BCAS4: variants seen among roughly 807,000 people sequenced by gnomAD.
The protein encoded by BCAS4 is breast carcinoma amplified sequence 4, also known as breast carcinoma-amplified sequence 4.
A neutral mutation model predicts 15.7 loss-of-function variants in BCAS4; 9 were observed. That is an observed-to-expected ratio of 0.57 (90% CI 0.34 to 1.00). The LOEUF (loss-of-function observed/expected upper bound fraction) is 1.00, where lower values mean the gene tolerates loss of function less well. BCAS4 is among the 50% of genes least tolerant of loss of function. The pLI is 0.02. For missense variants in BCAS4, 225 were observed against 239.1 expected (o/e 0.94, Z 0.39); for synonymous variants, 101 against 99.5 (o/e 1.02, Z -0.09).
At chr20:50,853,239 G>A (rs1978544769) in intron 4 of BCAS4, among the ~76,000 whole-genome samples, 1 of 150,156 alleles carries the variant, frequency 6.7e-6, no homozygotes, top group Non-Finnish European at 1.5e-5. Flanking sequence ...CCGCCTCCCG[G>A]GTTCAACCAA....
At chr20:50,839,669 A>AT (rs1411816493) in intron 3 of BCAS4, among the ~76,000 whole-genome samples, 4 of 151,912 alleles carry the variant, frequency 2.6e-5, no homozygotes, top group East Asian at 1.9e-4. Context: ...CACTCGGCTA[A>AT]TTTTTTTTGT....
At chr20:50,823,203 G>A (rs895361447) in intron 2 of BCAS4, among the ~76,000 whole-genome samples, 7 of 151,782 alleles carry the variant, frequency 4.6e-5, no homozygotes, top group African/African-American at 9.7e-5. Context: ...AGTTGGGTGC[G>A]GTGGCATACA....
At chr20:50,838,116 G>A (rs1217841112) in intron 3 of BCAS4, among the ~76,000 whole-genome samples, 1 of 152,228 alleles carries the variant, frequency 6.6e-6, no homozygotes, top group Non-Finnish European at 1.5e-5. Flanking sequence ...TTCACCCAAT[G>A]TCGTTTTGCT....
At position 50,816,897 on chromosome 20, in the gene BCAS4, C is replaced by T. The variant is rs559769833; in HGVS notation, c.91-1314C>T. ...TTGGCTCACTGCAGCCTCCGCCTCC[C>T]GGGTTCAAGCGATTCTCTTGCCTCA... On this transcript the variant is annotated intron_variant, in intron 1 of 4. Transcript: ENST00000371608. 7.5e-5 allele frequency among the ~76,000 whole-genome samples: 11 copies of T among 147,308 alleles called. No individual in the cohort carries two copies. The East Asian group carries it at 1.6e-3, about 21-fold the overall frequency.
At chr20:50,829,918 T>G (rs889840636) in intron 2 of BCAS4, among the ~76,000 whole-genome samples, 5 of 152,198 alleles carry the variant, frequency 3.3e-5, no homozygotes, top group South Asian at 4.1e-4. Flanking sequence ...TCCAATGCAA[T>G]GAAAACTGGA....
At chr20:50,817,622 C>T (rs1249104860) in intron 1 of BCAS4, among the ~76,000 whole-genome samples, 5 of 152,084 alleles carry the variant, frequency 3.3e-5, no homozygotes, top group African/African-American at 4.8e-5. Flanking sequence ...CCACCATGCC[C>T]GGCTAATTTT....
chr20:50,826,981 A>C (rs1199595315), intron 2 of BCAS4, among the ~76,000 whole-genome samples: 1 of 152,116 alleles, frequency 6.6e-6, no homozygotes, highest in Non-Finnish European at 1.5e-5. Flanking sequence ...ACAAAAAAAC[A>C]AAAAACAACC....
At chr20:50,869,430 C>G (rs555801407) in intron 4 of BCAS4, among the ~76,000 whole-genome samples, 134 of 152,310 alleles carry the variant, frequency 8.8e-4, no homozygotes, top group Middle Eastern at 3.4e-3. Flanking sequence ...GTCCACCCCC[C>G]CTTTTGGGGT....
intron 1 of BCAS4, among the ~76,000 whole-genome samples, chr20:50,806,821 C>T (rs2087995387): frequency 6.6e-6 from 1 of 151,186 alleles, no homozygotes; most frequent in South Asian, 2.1e-4. Context: ...TGTCCATCCC[C>T]TCAAGCATTT....
At chr20:50,855,376 A>G (rs1316163051) in intron 4 of BCAS4, among the ~76,000 whole-genome samples, 2 of 150,492 alleles carry the variant, frequency 1.3e-5, no homozygotes, top group Non-Finnish European at 3.0e-5. Flanking sequence ...CTGCATCCCT[A>G]TCTGTGCCAC....
In BCAS4 at chr20:50,876,651, T is replaced by C; in HGVS notation, c.*43T>C. The stretch of plus-strand genomic sequence containing the variant: ...TCAGGAACGCTGGAAAGTGACATTG[T>C]GTACACACTGCAGCTTGGGGGTTTT... On this transcript the variant is annotated 3_prime_UTR_variant, in exon 5 of 5. Coordinates refer to ENST00000371608, the MANE Select transcript of BCAS4 (RefSeq NM_198799.4). 6.3e-7 allele frequency: 1 copy of C among 1,591,628 alleles called. No individual in the cohort carries two copies. Among genetic ancestry groups the C allele is most frequent in the Non-Finnish European group, 8.5e-7 (1 of 1,170,438 alleles).
intron 4 of BCAS4, among the ~76,000 whole-genome samples, chr20:50,855,329 G>A (rs187678929): frequency 6.6e-5 from 10 of 152,152 alleles, no homozygotes; most frequent in East Asian, 3.9e-4. Context: ...TGTCTCTTGC[G>A]TTCATCTTGC....
intron 1 of BCAS4, among the ~76,000 whole-genome samples, chr20:50,807,498 C>T (rs2088006445): frequency 1.3e-5 from 2 of 152,122 alleles, no homozygotes; most frequent in Non-Finnish European, 2.9e-5. Context: ...CTGGACTTTA[C>T]GTTATTTTAT....
chr20:50,861,795 A>G (rs568477921), intron 4 of BCAS4, among the ~76,000 whole-genome samples: 1 of 130,382 alleles, frequency 7.7e-6, no homozygotes, highest in East Asian at 2.2e-4. Context: ...CTGTTCCTTC[A>G]TATTTTCTTT....
chr20:50,849,452 C>T (rs572311025), intron 4 of BCAS4, among the ~76,000 whole-genome samples: 1 of 152,224 alleles, frequency 6.6e-6, no homozygotes, highest in African/African-American at 2.4e-5. Flanking sequence ...GAAAGATGGG[C>T]AGAGGGGCTG....
Position 50,876,470 on chromosome 20 carries a change from T to C in BCAS4, c.400-16T>C, listed in dbSNP as rs778482079. 6.2e-7 allele frequency: 1 copy of C among 1,611,302 alleles called. No homozygotes were observed. The highest frequency in any genetic ancestry group is 8.5e-7 in the Non-Finnish European group (1 of 1,179,094). Reference sequence around the variant, plus strand: ...GATCCAAATCGCTGATAGAGCTTCATTTCTTGTCATTCCAGAAGTCACCTG... The same window carrying C: ...GATCCAAATCGCTGATAGAGCTTCACTTCTTGTCATTCCAGAAGTCACCTG... On this transcript the variant is annotated splice_polypyrimidine_tract_variant and intron_variant, in intron 4 of 4. Transcript: ENST00000371608.
At chr20:50,872,834 TG>T (rs1375457778) in intron 4 of BCAS4, among the ~76,000 whole-genome samples, 1 of 152,122 alleles carries the variant, frequency 6.6e-6, no homozygotes, top group Non-Finnish European at 1.5e-5. Context: ...TGGGCCTGAG[TG>T]GATGTGGAGC....
At chr20:50,837,417 G>C (rs923526022) in intron 3 of BCAS4, among the ~76,000 whole-genome samples, 3 of 152,134 alleles carry the variant, frequency 2.0e-5, no homozygotes, top group Admixed American at 6.5e-5. Context: ...CAAGACCCCT[G>C]TGTCCAGGGG....
intron 3 of BCAS4, chr20:50,840,857 T>G: frequency 1.2e-6 from 1 of 860,600 alleles, no homozygotes; most frequent in Admixed American, 1.8e-5. Context: ...GAGACGGAGT[T>G]TCACTCTTGT....
Sources: gnomAD v4.1 joint callset for allele counts (sites outside exome capture counted in the v4.1 genomes callset) on GRCh38, gnomAD v4.1.1 for gene constraint, MANE v1.5 for transcripts, NCBI Gene and HGNC (gene_info 2026-07-23, HGNC 2026-07-21) for gene names.